The following ALDH6A1 variants were observed in gnomAD, a reference collection of about 807,000 sequenced individuals.
ALDH6A1 encodes the protein methylmalonate-semialdehyde/malonate-semialdehyde dehydrogenase [acylating], mitochondrial.
ALDH6A1 carries 43 observed loss-of-function variants against 62.6 expected under a neutral mutation model. The ratio of observed to expected loss-of-function variants is 0.69; its 90% confidence interval spans 0.54 to 0.89. ALDH6A1 has a LOEUF of 0.89. Among genes scored for constraint, ALDH6A1 ranks in the 40% least tolerant of loss-of-function variants. ALDH6A1 has a pLI of 0.00. For missense variants in ALDH6A1, 551 were observed against 661.3 expected (o/e 0.83, Z 1.83); for synonymous variants, 194 against 234.2 (o/e 0.83, Z 1.57).
In ALDH6A1 at chr14:74,057,264, G is replaced by A. The variant is rs1181396750; in HGVS notation, c.*3378C>T. The A allele has an allele frequency of 6.2e-7, 1 of 1,613,998 alleles. No individual in the cohort carries two copies. Among genetic ancestry groups the A allele is most frequent in the South Asian group, 1.1e-5 (1 of 91,084 alleles). ...AACCTCAGGAGTCTGACACAGTAAG[G>A]AGTCTGTATCTAATCAAACAATGTA... On this transcript the variant is annotated 3_prime_UTR_variant, in exon 12 of 12. Coordinates refer to ENST00000553458, the MANE Select transcript of ALDH6A1 (RefSeq NM_005589.4).
In ALDH6A1 at chr14:74,056,954, T is replaced by C; in HGVS notation, c.*3688A>G. ...CTCCAGTTCCAGACTATGTTGTTTC[T>C]GACAGTGGGGAAACAAAGGAATTTG... On this transcript the variant is annotated 3_prime_UTR_variant, in exon 12 of 12. Coordinates refer to ENST00000553458, the MANE Select transcript of ALDH6A1 (RefSeq NM_005589.4). 1.9e-6 allele frequency: 3 copies of C among 1,613,844 alleles called. No homozygotes were observed. Among genetic ancestry groups the C allele is most frequent in the South Asian group, 1.1e-5 (1 of 91,058 alleles).
At chr14:74,082,345 A>G (rs1339917004) in intron 1 of ALDH6A1, among the ~76,000 whole-genome samples, 3 of 150,138 alleles carry the variant, frequency 2.0e-5, no homozygotes, top group African/African-American at 7.4e-5. Flanking sequence ...TTTCTCCTCT[A>G]TAAATCCTTT....
rs2060560384 is a variant in ALDH6A1 at position 74,072,233 on chromosome 14, G to T, written c.318C>A (p.Leu106=). 2.5e-6 allele frequency: 4 copies of T among 1,614,200 alleles called. No individual in the cohort carries two copies. The South Asian group carries it at 3.3e-5, about 13-fold the overall frequency. ...TTTCTTTAATAAGTTGTTGATAGCGGAGCAAGACCTGCTGGCGGCTTAATA... is the reference window on the plus strand; with the variant it reads ...TTTCTTTAATAAGTTGTTGATAGCGTAGCAAGACCTGCTGGCGGCTTAATA... The part of the protein sequence containing the change: ...TSVLSRQQVL[L]RYQQLIKENL... The change falls in exon 4 of 12, where the codon CTC becomes CTA. Residue 106 remains leucine (L), a synonymous_variant. Coordinates refer to ENST00000553458, the MANE Select transcript of ALDH6A1 (RefSeq NM_005589.4).
At position 74,068,897 on chromosome 14, in the gene ALDH6A1, C is replaced by G; in HGVS notation, c.815G>C (p.Arg272Thr). ...AACCCTCTTGCCATGTCTTGATCCT[C>G]TCTCGAAGATATACTCTCCTGCCTT... Reference protein sequence around the residue: ...SNKAGEYIFERGSRHGKRVQA... With the variant: ...SNKAGEYIFETGSRHGKRVQA... Residue 272 changes from arginine to threonine, a missense_variant, in exon 7 of 12, where the codon AGA becomes ACA. Coordinates refer to ENST00000553458, the MANE Select transcript of ALDH6A1 (RefSeq NM_005589.4). 6.2e-7 allele frequency: 1 copy of G among 1,614,060 alleles called. No homozygotes were observed. The highest frequency in any genetic ancestry group is 1.6e-4 in the Middle Eastern group (1 of 6,062).
chr14:74,064,944 A>T (rs2139763339), intron 10 of ALDH6A1, 24 bp from the exon 11 acceptor site: 1 of 1,600,154 alleles, frequency 6.2e-7, no homozygotes, highest in East Asian at 2.2e-5. Context: ...AATCCGTGTC[A>T]TATCCTAAGG....
At position 74,067,581 on chromosome 14, in the gene ALDH6A1, T is replaced by C; in HGVS notation, c.853-12A>G. ...TGGTTCTTGGCTCCCTAAAAAAAAA[T>C]GCAGAAAGCACATGAGTCTTCCTTG... On this transcript the variant is annotated splice_polypyrimidine_tract_variant and intron_variant, in intron 7 of 11. Transcript: ENST00000553458. 6.2e-7 allele frequency: 1 copy of C among 1,612,494 alleles called. No homozygotes were observed. The highest frequency in any genetic ancestry group is 8.5e-7 in the Non-Finnish European group (1 of 1,179,170).
rs2060440784 is a variant in ALDH6A1, at chr14:74,065,198, A to G, written c.1387T>C (p.Leu463=). The change falls in exon 10 of 12, where the codon TTG becomes CTG. Residue 463 remains leucine (L), a synonymous_variant. Coordinates refer to ENST00000553458, the MANE Select transcript of ALDH6A1 (RefSeq NM_005589.4). ...TCACGAACCTGTCCAACATCCACCA[A>G]GTGGGCATATTTCCGAGCAGTGGCT... ...NGATARKYAH[L]VDVGQVGVNV... is the part of the protein sequence containing the mutation. 2.5e-6 allele frequency: 4 copies of G among 1,614,150 alleles called. No individual in the cohort carries two copies. In the East Asian group the frequency reaches 6.7e-5, roughly 27 times the overall value.
intron 1 of ALDH6A1, among the ~76,000 whole-genome samples, chr14:74,079,469 T>C (rs1190849219): frequency 6.6e-6 from 1 of 150,864 alleles, no homozygotes; most frequent in Non-Finnish European, 1.5e-5. Context: ...AGTCTCACTC[T>C]GTCGCCCAGG....
chr14:74,064,755 CT>C, intron 11 of ALDH6A1, 66 bp downstream of exon 11: 1 of 1,611,514 alleles, frequency 6.2e-7, no homozygotes, highest in African/African-American at 1.3e-5. Flanking sequence ...TTGCAGAATC[CT>C]TGCTCCTGAA....
chr14:74,064,367 T>G (rs1174706342), intron 11 of ALDH6A1, among the ~76,000 whole-genome samples: 1 of 152,086 alleles, frequency 6.6e-6, no homozygotes, highest in Admixed American at 6.5e-5. Context: ...TCAACAACAT[T>G]TTTTGTAAAT....
chr14:74,071,912 A>G lies in ALDH6A1; in HGVS notation c.411T>C (p.Asp137=), dbSNP rs750775712. 6.2e-7 allele frequency: 1 copy of G among 1,614,204 alleles called. No individual in the cohort carries two copies. The highest frequency in any genetic ancestry group is 8.5e-7 in the Non-Finnish European group (1 of 1,180,018). ...CCAGCTTACGAAGGCCTCGAAATAC[A>G]TCTCCTTCAGCATCAGCTAGGGTCT... is the stretch of plus-strand genomic sequence containing the variant. ...QGKTLADAEG[D]VFRGLQVVEH... is the part of the protein sequence containing the mutation. The change falls in exon 5 of 12, where the codon GAT becomes GAC. Residue 137 remains aspartate (D), a synonymous_variant. Transcript: ENST00000553458.
chr14:74,072,806 T>C (rs2060568912), intron 2 of ALDH6A1, among the ~76,000 whole-genome samples, 195 bp from the exon 3 acceptor site: 1 of 151,324 alleles, frequency 6.6e-6, no homozygotes, highest in Non-Finnish European at 1.5e-5. Context: ...GTGTGTTTAT[T>C]TTTTTTTTGA....
At chr14:74,076,711 T>G (rs2060617187) in intron 1 of ALDH6A1, among the ~76,000 whole-genome samples, 1 of 151,970 alleles carries the variant, frequency 6.6e-6, no homozygotes, top group Admixed American at 6.6e-5. Flanking sequence ...TAATTTTATT[T>G]TATTTTTTTT....
intron 6 of ALDH6A1, chr14:74,070,622 C>CA: frequency 6.3e-6 from 1 of 159,956 alleles, no homozygotes; most frequent in Admixed American, 6.0e-5. Flanking sequence ...TTTTTAAAAG[C>CA]AAAAATCAGA....
chr14:74,080,630 A>G (rs937371385), intron 1 of ALDH6A1, among the ~76,000 whole-genome samples: 2 of 151,944 alleles, frequency 1.3e-5, no homozygotes, highest in African/African-American at 2.4e-5. Context: ...TTTTGTAGAG[A>G]TGGGGCCTCC....
rs930228472 is a variant in ALDH6A1 at position 74,060,428 on chromosome 14, A to G, written c.*214T>C. ...TCATAGTTACAACAGTTACCTCAAA[A>G]TAGAAGTATGAAGAGCAAGTGAGAA... is the stretch of plus-strand genomic sequence containing the variant. On this transcript the variant is annotated 3_prime_UTR_variant, in exon 12 of 12. Coordinates refer to ENST00000553458, the MANE Select transcript of ALDH6A1 (RefSeq NM_005589.4). 1.8e-6 allele frequency: 1 copy of G among 564,198 alleles called. No homozygotes were observed. Among genetic ancestry groups the G allele is most frequent in the Non-Finnish European group, 3.2e-6 (1 of 313,836 alleles). 34.9% of individuals were successfully genotyped at this position (564,198 alleles called of 1,614,324 possible). A position where few individuals can be genotyped will look rare whatever the true frequency, so the allele number is the denominator to read the frequency against.
chr14:74,072,005 T>C (rs2060556455), intron 4 of ALDH6A1, 31 bp from the exon 5 acceptor site: 2 of 1,604,360 alleles, frequency 1.2e-6, no homozygotes, highest in African/African-American at 1.3e-5. Context: ...TAGAAATTAA[T>C]GCAAGAATGT....
rs767531685 is a variant in ALDH6A1 at position 74,068,921 on chromosome 14, T to C, written c.791A>G (p.Lys264Arg). 15 of 1,614,050 alleles carry C rather than the reference T, an allele frequency of 9.3e-6. No individual in the cohort carries two copies. The highest frequency in any genetic ancestry group is 4.4e-5 in the South Asian group (4 of 91,076). Residue 264 changes from lysine to arginine, a missense_variant, in exon 7 of 12, where the codon AAG becomes AGG. Transcript: ENST00000553458. Reference sequence around the variant, plus strand: ...TCTCTCGAAGATATACTCTCCTGCCTTGTTGGATCCCACAAAGCTGATTGC... The same window carrying C: ...TCTCTCGAAGATATACTCTCCTGCCCTGTTGGATCCCACAAAGCTGATTGC... The part of the protein sequence containing the change: ...IKAISFVGSN[K>R]AGEYIFERGS...
At position 74,065,307 on chromosome 14, in the gene ALDH6A1, C is replaced by T. The variant is rs745643331; in HGVS notation, c.1278G>A (p.Leu426=). 3.7e-6 allele frequency: 6 copies of T among 1,614,082 alleles called. No homozygotes were observed. The highest frequency in any genetic ancestry group is 2.2e-5 in the East Asian group (1 of 44,880). The change falls in exon 10 of 12, where the codon CTG becomes CTA. Residue 426 remains leucine (L), a synonymous_variant. Coordinates refer to ENST00000553458, the MANE Select transcript of ALDH6A1 (RefSeq NM_005589.4). ...EEIFGPVLVV[L]ETETLDEAIQ... The stretch of plus-strand genomic sequence containing the variant: ...TGGCTTCATCCAATGTTTCTGTCTC[C>T]AGAACCACAAGAACTGGACCAAAAA...
Sources: allele counts gnomAD v4.1 joint callset (sites outside exome capture counted in the v4.1 genomes callset), GRCh38; gene constraint gnomAD v4.1.1; transcripts MANE v1.5; gene names NCBI Gene and HGNC (gene_info 2026-07-23, HGNC 2026-07-21).